KNTC1: variants seen among roughly 807,000 people sequenced by gnomAD.
The protein encoded by KNTC1 is kinetochore associated 1.
A neutral mutation model predicts 314.4 loss-of-function variants in KNTC1; 253 were observed. That is an observed-to-expected ratio of 0.80 (90% confidence interval 0.73 to 0.89). The LOEUF (loss-of-function observed/expected upper bound fraction) is 0.89, where lower values mean the gene tolerates loss of function less well. KNTC1 is among the 40% of genes least tolerant of loss of function. KNTC1 has a pLI of 0.00. For missense variants in KNTC1, 2,475 were observed against 2,572.9 expected (o/e 0.96, Z 0.82); for synonymous variants, 901 against 901.4 (o/e 1.00, Z 0.01).
chr12:122,591,258 T>C, intron 41 of KNTC1, 79 bp from the exon 42 acceptor site: 2 of 785,446 alleles, frequency 2.5e-6, no homozygotes, highest in Non-Finnish European at 4.6e-6. Flanking sequence ...ATGATTTTTA[T>C]TGTTGCGTTT....
intron 54 of KNTC1, 40 bp from the exon 55 acceptor site, chr12:122,613,586 G>T: frequency 1.3e-6 from 2 of 1,543,454 alleles, no homozygotes; most frequent in African/African-American, 1.4e-5. Flanking sequence ...TGTAAATGTG[G>T]CCTATGAGAA....
intron 10 of KNTC1, 67 bp downstream of exon 10, chr12:122,546,741 C>G: frequency 9.4e-7 from 1 of 1,061,370 alleles, no homozygotes; most frequent in South Asian, 1.4e-5. Context: ...GTCAGACTTA[C>G]AAAGGCAAGG....
chr12:122,604,068 C>T (rs908188865), intron 48 of KNTC1, among the ~76,000 whole-genome samples: 5 of 151,406 alleles, frequency 3.3e-5, no homozygotes, highest in African/African-American at 1.2e-4. Flanking sequence ...CACATGCATG[C>T]ATGTGTGAAC....
chr12:122,557,780 C>T (rs897370870), intron 18 of KNTC1, 91 bp downstream of exon 18: 4 of 851,054 alleles, frequency 4.7e-6, no homozygotes, highest in African/African-American at 3.4e-5. Flanking sequence ...ATCTTTTCCT[C>T]CTATCCGCTA....
intron 60 of KNTC1, among the ~76,000 whole-genome samples, chr12:122,621,633 C>T (rs1352146752): frequency 6.6e-6 from 1 of 152,244 alleles, no homozygotes; most frequent in Non-Finnish European, 1.5e-5. Flanking sequence ...CTGCGCCCAG[C>T]TGAACATGCA....
chr12:122,538,481 C>G (rs1565931517), intron 4 of KNTC1, 27 bp downstream of exon 4: 2 of 1,233,662 alleles, frequency 1.6e-6, no homozygotes. Flanking sequence ...TTTTAATTTT[C>G]ATTATTTAAA....
chr12:122,554,414 A>T (rs1963435649), intron 16 of KNTC1, among the ~76,000 whole-genome samples: 1 of 152,006 alleles, frequency 6.6e-6, no homozygotes, highest in South Asian at 2.1e-4. Context: ...AGAAATGTAT[A>T]CAAGTTAAGA....
At chr12:122,543,791 C>T (rs1593499622) in intron 7 of KNTC1, among the ~76,000 whole-genome samples, 157 bp downstream of exon 7, 1 of 151,916 alleles carries the variant, frequency 6.6e-6, no homozygotes. Context: ...ACATTTATGC[C>T]CGTAATCCCA....
intron 18 of KNTC1, among the ~76,000 whole-genome samples, chr12:122,559,450 C>T (rs143168109): frequency 5.9e-5 from 9 of 152,226 alleles, no homozygotes; most frequent in East Asian, 1.9e-4. Flanking sequence ...GGATATACCA[C>T]GTTTTGTTTC....
At chr12:122,563,313 T>G (rs548420676) in intron 20 of KNTC1, among the ~76,000 whole-genome samples, 2 of 152,290 alleles carry the variant, frequency 1.3e-5, no homozygotes, top group South Asian at 4.1e-4. Context: ...ATTTGGTTCC[T>G]TATCTGCAAA....
chr12:122,596,430 G>A (rs1871061348), intron 43 of KNTC1, among the ~76,000 whole-genome samples: 1 of 151,370 alleles, frequency 6.6e-6, no homozygotes, highest in Non-Finnish European at 1.5e-5. Context: ...TATTGGTCAG[G>A]CTGGTCTCCA....
chr12:122,537,248 A>G (rs1961915326), intron 3 of KNTC1, among the ~76,000 whole-genome samples: 1 of 151,986 alleles, frequency 6.6e-6, no homozygotes, highest in Non-Finnish European at 1.5e-5. Context: ...CATCTTAGTC[A>G]TTTGGCTAAC....
intron 14 of KNTC1, 26 bp from the exon 15 acceptor site, chr12:122,551,432 G>T (rs146437491): frequency 3.8e-5 from 59 of 1,551,384 alleles, no homozygotes; most frequent in Non-Finnish European, 4.9e-5. Flanking sequence ...AAAGACAAGC[G>T]CATTTATAGT....
In KNTC1 at chr12:122,609,431, G is replaced by C; in HGVS notation, c.5543+1G>C. Reference sequence around the variant, plus strand: ...TTCAAGAAGATGAAGCCCTACGAAGGTACTCTTTTCCTTTACTTATATTCA... The same window carrying C: ...TTCAAGAAGATGAAGCCCTACGAAGCTACTCTTTTCCTTTACTTATATTCA... On this transcript the variant is annotated splice_donor_variant, in intron 52 of 63. Coordinates refer to ENST00000333479, the MANE Select transcript of KNTC1 (RefSeq NM_014708.6). LOFTEE classifies it high-confidence loss of function. The C allele has an allele frequency of 6.4e-7, 1 of 1,561,068 alleles. No homozygotes were observed. Among genetic ancestry groups the C allele is most frequent in the Non-Finnish European group, 8.7e-7 (1 of 1,144,704 alleles).
intron 15 of KNTC1, 40 bp from the exon 16 acceptor site, chr12:122,551,581 A>G (rs1963203549): frequency 1.2e-6 from 2 of 1,604,168 alleles, no homozygotes; most frequent in East Asian, 4.5e-5. Context: ...AATTCCCTGA[A>G]TAATAAGCAT....
chr12:122,527,472 G>C (rs1001994782), intron 1 of KNTC1, 121 bp downstream of exon 1: 4 of 152,654 alleles, frequency 2.6e-5, no homozygotes, highest in Non-Finnish European at 5.9e-5. Flanking sequence ...GGTTGGAGTC[G>C]GTTTTTGCTG....
At chr12:122,528,928 C>T (rs553856800) in intron 1 of KNTC1, among the ~76,000 whole-genome samples, 31 of 152,178 alleles carry the variant, frequency 2.0e-4, no homozygotes, top group African/African-American at 3.4e-4. Flanking sequence ...CTGCAACCTC[C>T]GCCTCCCGGG....
chr12:122,580,582 CTT>C lies in KNTC1; in HGVS notation c.2915-18_2915-17del, dbSNP rs1296445055. 1.4e-6 allele frequency: 2 copies of C among 1,467,644 alleles called. No homozygotes were observed. Among genetic ancestry groups the C allele is most frequent in the South Asian group, 1.3e-5 (1 of 78,826 alleles). The allele number at this position is 1,467,644 out of a possible 1,614,324, so 90.9% of individuals were successfully genotyped here. A position where few individuals can be genotyped will look rare whatever the true frequency, so the allele number is the denominator to read the frequency against. ...ATGAGAATTTGCATGTCTGCTATAACTTTTAAAAATTTAATTACAGACAATCT... is the reference window on the plus strand; with the variant it reads ...ATGAGAATTTGCATGTCTGCTATAACTTAAAAATTTAATTACAGACAATCT... On this transcript the variant is annotated intron_variant, in intron 32 of 63. Transcript: ENST00000333479.
chr12:122,573,302 A>G lies in KNTC1; in HGVS notation c.2283+17A>G, dbSNP rs763860111. On this transcript the variant is annotated intron_variant, in intron 26 of 63. Coordinates refer to ENST00000333479, the MANE Select transcript of KNTC1 (RefSeq NM_014708.6). ...TACATAGAGGTAACTTTTCCTTTAC[A>G]TCTAGTCTTATTTCTTGGATCTATG... 1.9e-6 allele frequency: 3 copies of G among 1,606,692 alleles called. No individual in the cohort carries two copies. The highest frequency in any genetic ancestry group is 8.5e-7 in the Non-Finnish European group (1 of 1,174,426).
Sources: allele counts gnomAD v4.1 joint callset (sites outside exome capture counted in the v4.1 genomes callset), GRCh38; gene constraint gnomAD v4.1.1; transcripts MANE v1.5; gene names NCBI Gene and HGNC (gene_info 2026-07-23, HGNC 2026-07-21).